The following MVB12B variants were observed in gnomAD, a reference collection of about 807,000 sequenced individuals.
The protein encoded by MVB12B is multivesicular body subunit 12B, also known as ESCRT-I complex subunit MVB12B.
A neutral mutation model predicts 41.6 loss-of-function variants in MVB12B; 16 were observed. The ratio of observed to expected loss-of-function variants is 0.38; its 90% CI spans 0.26 to 0.58. The LOEUF (loss-of-function observed/expected upper bound fraction) is 0.58. MVB12B is among the 20% of genes least tolerant of loss of function. The pLI, the probability that MVB12B is intolerant of heterozygous loss-of-function variation, is 0.62. For missense variants in MVB12B, 274 were observed against 380.2 expected (o/e 0.72, Z 2.32); for synonymous variants, 133 against 139.7 (o/e 0.95, Z 0.34).
rs1466101587 is a variant in MVB12B at position 126,505,523 on chromosome 9, T to C, written c.*2260T>C. The C allele has an allele frequency of 2.0e-5, 3 of 152,262 alleles. No homozygotes were observed. The highest frequency in any genetic ancestry group is 4.4e-5 in the Non-Finnish European group (3 of 68,052). 9.4% of individuals were successfully genotyped at this position (152,262 alleles called of 1,614,324 possible). ...TAAGAGTAAATGACTGTGAACGTTG[T>C]AGTAAACGGCAGCTTAAGATAAGTA... On this transcript the variant is annotated 3_prime_UTR_variant, in exon 10 of 10. Transcript: ENST00000361171.
At chr9:126,372,782 A>G (rs146304943) in intron 2 of MVB12B, among the ~76,000 whole-genome samples, 17 of 152,352 alleles carry the variant, frequency 1.1e-4, no homozygotes, top group African/African-American at 1.9e-4. Context: ...AACTTCAGAA[A>G]TCCAAGTTCT....
intron 6 of MVB12B, among the ~76,000 whole-genome samples, chr9:126,410,141 TTGTGTGTGTG>T (rs3222493): frequency 9.4e-5 from 14 of 148,578 alleles, no homozygotes; most frequent in Non-Finnish European, 1.0e-4. Flanking sequence ...TGATTTGGTT[TTGTGTGTGTG>T]TGTGTGTGTG....
Position 126,367,286 on chromosome 9 carries a change from AAGAC to A in MVB12B, c.205-13775_205-13772del, listed in dbSNP as rs1830209524. On this transcript the variant is annotated intron_variant, in intron 2 of 9. Coordinates refer to ENST00000361171, the MANE Select transcript of MVB12B (RefSeq NM_033446.3). This position sits in a 1 kb window ranked among gnomAD's most constrained non-coding sequence, Gnocchi z 4.3. ...TGCTCCCTAGGATGGGGCAGGTCCTAAGACAGCACCTGCCCTGCAGCCTCCCAGG... is the reference window on the plus strand; with the variant it reads ...TGCTCCCTAGGATGGGGCAGGTCCTAAGCACCTGCCCTGCAGCCTCCCAGG... Among the ~76,000 whole-genome samples, 1 of 151,074 alleles carries A rather than the reference AAGAC, an allele frequency of 6.6e-6. No homozygotes were observed. The highest frequency in any genetic ancestry group is 2.4e-5 in the African/African-American group (1 of 41,000).
At chr9:126,350,639 G>A (rs1261690226) in intron 2 of MVB12B, among the ~76,000 whole-genome samples, 4 of 152,134 alleles carry the variant, frequency 2.6e-5, no homozygotes, top group Non-Finnish European at 5.9e-5. Flanking sequence ...TGCTAGCTCA[G>A]ATCTCTTCCT....
chr9:126,457,766 A>G (rs968833824), intron 7 of MVB12B, among the ~76,000 whole-genome samples: 1 of 152,080 alleles, frequency 6.6e-6, no homozygotes, highest in Non-Finnish European at 1.5e-5. Flanking sequence ...AACGGGTGGT[A>G]TGTGTTTGGG....
rs984987835 is a variant in MVB12B at position 126,367,829 on chromosome 9, C to T, written c.205-13235C>T. 2.6e-5 allele frequency among the ~76,000 whole-genome samples: 4 copies of T among 152,212 alleles called. No homozygotes were observed. Among genetic ancestry groups the T allele is most frequent in the Non-Finnish European group, 4.4e-5 (3 of 68,040 alleles). ...CTGAGTGGAGGTCAAACCCAGGTCT[C>T]CTGCCTCTGTGTGGCTCTCTTCCCT... On this transcript the variant is annotated intron_variant, in intron 2 of 9. Coordinates refer to ENST00000361171, the MANE Select transcript of MVB12B (RefSeq NM_033446.3). This position sits in a 1 kb window ranked among gnomAD's most constrained non-coding sequence, Gnocchi z 4.3.
At chr9:126,422,568 A>G (rs1832057183) in intron 7 of MVB12B, among the ~76,000 whole-genome samples, 1 of 152,186 alleles carries the variant, frequency 6.6e-6, no homozygotes, top group Non-Finnish European at 1.5e-5. Context: ...GTGACTTGCT[A>G]AGAGCCGAGG....
Position 126,453,540 on chromosome 9 carries a change from G to T in MVB12B, c.758-27829G>T, listed in dbSNP as rs187694670. 1.1e-4 allele frequency among the ~76,000 whole-genome samples: 16 copies of T among 152,332 alleles called. No individual in the cohort carries two copies. In the East Asian group the frequency reaches 2.9e-3, roughly 28 times the overall value. On this transcript the variant is annotated intron_variant, in intron 7 of 9. Transcript: ENST00000361171. ...AATCCGTTGCCAACAGCAGTGGCCT[G>T]TGTATCACCGGCTGCTTCCTGGAAG...
At chr9:126,483,829 CACTG>C (rs1833577237) in intron 8 of MVB12B, 140 bp from the exon 9 acceptor site, 1 of 818,882 alleles carries the variant, frequency 1.2e-6, no homozygotes, top group Non-Finnish European at 2.0e-6. Flanking sequence ...CCGAGAGTCC[CACTG>C]ACTGTCTTCC....
At chr9:126,474,482 G>C (rs899863420) in intron 7 of MVB12B, among the ~76,000 whole-genome samples, 2 of 152,130 alleles carry the variant, frequency 1.3e-5, no homozygotes, top group African/African-American at 4.8e-5. Context: ...ATATGAAAAG[G>C]CTGCCCAGAT....
At chr9:126,451,479 A>C (rs1832887518) in intron 7 of MVB12B, among the ~76,000 whole-genome samples, 2 of 152,100 alleles carry the variant, frequency 1.3e-5, no homozygotes, top group Non-Finnish European at 2.9e-5. Context: ...CAGCCCATCC[A>C]GGCTCTGAGC....
intron 1 of MVB12B, among the ~76,000 whole-genome samples, chr9:126,339,226 G>C (rs1055236818): frequency 5.1e-4 from 77 of 152,314 alleles, no homozygotes; most frequent in African/African-American, 1.7e-3. Flanking sequence ...GAAGGCTGCA[G>C]TCATTTTTAA....
intron 1 of MVB12B, chr9:126,327,350 G>A (rs1829010887): frequency 1.0e-6 from 1 of 983,926 alleles, no homozygotes; most frequent in Non-Finnish European, 1.2e-6. Context: ...CGGCCCACCT[G>A]GGCACAGACT....
At chr9:126,447,494 T>C (rs1044292953) in intron 7 of MVB12B, among the ~76,000 whole-genome samples, 12 of 152,148 alleles carry the variant, frequency 7.9e-5, no homozygotes, top group African/African-American at 2.9e-4. Context: ...TTCTAAGTAA[T>C]TTTTGAAACC....
chr9:126,411,421 G>C (rs1482376181), intron 6 of MVB12B, among the ~76,000 whole-genome samples: 1 of 152,186 alleles, frequency 6.6e-6, no homozygotes, highest in East Asian at 1.9e-4. Flanking sequence ...AAAAAAGTGC[G>C]CTGAGTCAGT....
At chr9:126,498,870 A>G (rs750044076) in intron 9 of MVB12B, among the ~76,000 whole-genome samples, 2 of 152,186 alleles carry the variant, frequency 1.3e-5, no homozygotes, top group Non-Finnish European at 2.9e-5. Flanking sequence ...GATTAGTGCA[A>G]TTAATACTGA....
Position 126,338,585 on chromosome 9 carries a change from A to AC in MVB12B, c.82-1923_82-1922insC, listed in dbSNP as rs1374061230. On this transcript the variant is annotated intron_variant, in intron 1 of 9. Transcript: ENST00000361171. Reference sequence around the variant, plus strand: ...GAGGCCATACTATCTTAAAAAAAAAAAAAAACTTACCTCACATGTTCTTTA... The same window carrying AC: ...GAGGCCATACTATCTTAAAAAAAAAACAAAAACTTACCTCACATGTTCTTTA... Among the ~76,000 whole-genome samples the AC allele has an allele frequency of 3.3e-5, 5 of 151,952 alleles. No individual in the cohort carries two copies. In the South Asian group the frequency reaches 6.2e-4, roughly 19 times the overall value.
rs117416023 is a variant in MVB12B, at chr9:126,455,813, C to T, written c.758-25556C>T. Among the ~76,000 whole-genome samples the T allele has an allele frequency of 3.6e-3, 544 of 151,992 alleles. 7 individuals are homozygous for T. The East Asian group carries it at 0.044, about 12-fold the overall frequency. ...GAAGTGGGTATTTGAGCCTCTAATG[C>T]TCCCTGTTACAGTTTTGCTGTCGTG... On this transcript the variant is annotated intron_variant, in intron 7 of 9. Coordinates refer to ENST00000361171, the MANE Select transcript of MVB12B (RefSeq NM_033446.3).
At chr9:126,492,026 G>C (rs1205518211) in intron 9 of MVB12B, among the ~76,000 whole-genome samples, 1 of 151,500 alleles carries the variant, frequency 6.6e-6, no homozygotes, top group East Asian at 1.9e-4. Context: ...AGTGTTTCCT[G>C]AGTACCAAGG....
Sources: allele counts gnomAD v4.1 joint callset (sites outside exome capture counted in the v4.1 genomes callset), GRCh38; gene constraint gnomAD v4.1.1; non-coding constraint Gnocchi (gnomAD v3.1); transcripts MANE v1.5; gene names NCBI Gene and HGNC (gene_info 2026-07-23, HGNC 2026-07-21).